The following SLC4A5 variants were observed in gnomAD, a reference collection of about 807,000 sequenced individuals.
The protein encoded by SLC4A5 is electrogenic sodium bicarbonate cotransporter 4.
SLC4A5 carries 96 observed loss-of-function variants against 120.4 expected under a neutral mutation model. The observed-to-expected ratio is 0.80, with a 90% CI of 0.68 to 0.94. SLC4A5 has a LOEUF of 0.94. Among genes scored for constraint, SLC4A5 ranks in the 40% least tolerant of loss-of-function variants. The pLI is 0.00. For missense variants in SLC4A5, 1,259 were observed against 1,459.5 expected, an observed-to-expected ratio of 0.86 and a Z score of 2.24; for synonymous variants, 550 against 571.1, an observed-to-expected ratio of 0.96 and a Z score of 0.53.
chr2:74,272,280 C>T lies in SLC4A5; in HGVS notation c.402-7016G>A, dbSNP rs74329296. 2.8e-3 allele frequency among the ~76,000 whole-genome samples: 430 copies of T among 152,162 alleles called. 4 individuals carry two copies. The highest frequency in any genetic ancestry group is 9.7e-3 in the African/African-American group (403 of 41,512). ...GCTGGGTGATGGGCAGGTGGGGGTT[C>T]ATTCTGCTATATACTACTTTTGTAT... On this transcript the variant is annotated intron_variant, in intron 8 of 30. Transcript: ENST00000394019.
chr2:74,273,479 T>C (rs1440743331), intron 8 of SLC4A5, among the ~76,000 whole-genome samples: 1 of 152,172 alleles, frequency 6.6e-6, no homozygotes, highest in Non-Finnish European at 1.5e-5. Context: ...GTGGTCACTC[T>C]ATCTATGTGG....
intron 25 of SLC4A5, among the ~76,000 whole-genome samples, chr2:74,228,313 G>A (rs1445461935): frequency 1.3e-5 from 2 of 152,188 alleles, no homozygotes; most frequent in Non-Finnish European, 1.5e-5. Context: ...TCAGCAGCGA[G>A]TACCCGGGAC....
intron 5 of SLC4A5, among the ~76,000 whole-genome samples, chr2:74,316,321 T>TAAAA (rs60481743): frequency 2.0e-5 from 1 of 51,186 alleles, no homozygotes; most frequent in Non-Finnish European, 4.3e-5. Flanking sequence ...AAAAGAGTTG[T>TAAAA]AAAAAAAAAA....
In SLC4A5 at chr2:74,301,611, C is replaced by T. The variant is rs1288061459; in HGVS notation, c.271+2878G>A. Among the ~76,000 whole-genome samples the T allele has an allele frequency of 3.9e-5, 6 of 152,232 alleles. No homozygotes were observed. The East Asian group carries it at 1.2e-3, about 29-fold the overall frequency. ...GAAGTGGGAGATTCAGACAATTATC[C>T]AGATGAGGCAGGTAAAATGATTCTG... On this transcript the variant is annotated intron_variant, in intron 7 of 30. Transcript: ENST00000394019.
chr2:74,269,382 G>T lies in SLC4A5; in HGVS notation c.402-4118C>A, dbSNP rs565934253. Reference sequence around the variant, plus strand: ...CACCAGGCCCGGCTGTTTGTTTTTTGTTTGTTTGTTTGTTTGTTTGTTTGT... The same window carrying T: ...CACCAGGCCCGGCTGTTTGTTTTTTTTTTGTTTGTTTGTTTGTTTGTTTGT... On this transcript the variant is annotated intron_variant, in intron 8 of 30. Coordinates refer to ENST00000394019, the Ensembl canonical transcript of SLC4A5. Among the ~76,000 whole-genome samples, 470 of 144,772 alleles carry T rather than the reference G, an allele frequency of 3.2e-3. 1 individual carries two copies. The highest frequency in any genetic ancestry group is 0.012 in the African/African-American group (429 of 35,950). 95.0% of individuals were successfully genotyped at this position (144,772 alleles called of 152,430 possible). A position where few individuals can be genotyped will look rare whatever the true frequency, so the allele number is the denominator to read the frequency against.
intron 8 of SLC4A5, among the ~76,000 whole-genome samples, chr2:74,267,350 G>A (rs527806238): frequency 2.3e-4 from 35 of 152,132 alleles, no homozygotes; most frequent in Non-Finnish European, 4.7e-4. Flanking sequence ...ATGTATACAA[G>A]GACGCTCGAT....
chr2:74,254,981 G>A (rs894246016), intron 13 of SLC4A5, among the ~76,000 whole-genome samples: 10 of 151,968 alleles, frequency 6.6e-5, no homozygotes, highest in East Asian at 3.9e-4. Context: ...CACCAAGCCC[G>A]GCTAATTTTT....
At chr2:74,230,036 A>G (rs1695006361) in intron 25 of SLC4A5, among the ~76,000 whole-genome samples, 1 of 151,524 alleles carries the variant, frequency 6.6e-6, no homozygotes, top group South Asian at 2.1e-4. Flanking sequence ...TATTTTTTGT[A>G]GAGATGGGGG....
chr2:74,227,699 T>C (rs774902557), intron 26 of SLC4A5, 111 bp downstream of exon 26: 1 of 1,206,290 alleles, frequency 8.3e-7, no homozygotes, highest in Non-Finnish European at 1.2e-6. Flanking sequence ...TTTCATTGAA[T>C]TAGGACAATT....
At chr2:74,315,077 G>A in intron 5 of SLC4A5, 52 bp from the exon 6 acceptor site, 5 of 1,443,788 alleles carry the variant, frequency 3.5e-6, no homozygotes, top group East Asian at 4.6e-5. Flanking sequence ...AAAAGGGTAG[G>A]ATTTCAAGGA....
chr2:74,275,691 C>T (rs1289229980), intron 8 of SLC4A5, among the ~76,000 whole-genome samples: 2 of 152,278 alleles, frequency 1.3e-5, no homozygotes, highest in East Asian at 3.8e-4. Context: ...TCACATAACA[C>T]TTCCTAATCA....
At chr2:74,232,528 G>A (rs1192141669) in exon 24 of SLC4A5, 3 of 1,614,048 alleles carry the variant, frequency 1.9e-6, no homozygotes, top group South Asian at 1.1e-5. Flanking sequence ...CCATCTTGAG[G>A]CTGTCGATGT....
chr2:74,260,021 T>C (rs1038347423), intron 11 of SLC4A5, among the ~76,000 whole-genome samples: 6 of 152,162 alleles, frequency 3.9e-5, no homozygotes, highest in African/African-American at 1.4e-4. Context: ...TCACTTAGCT[T>C]GGAATTTGCT....
chr2:74,305,221 A>G (rs1187548249), intron 6 of SLC4A5, among the ~76,000 whole-genome samples: 1 of 152,210 alleles, frequency 6.6e-6, no homozygotes, highest in Admixed American at 6.5e-5. Context: ...AATCCCACTA[A>G]TAAGCCTGAT....
At chr2:74,315,421 C>G in intron 5 of SLC4A5, among the ~76,000 whole-genome samples, 1 of 122,034 alleles carries the variant, frequency 8.2e-6, no homozygotes, top group Non-Finnish European at 1.6e-5. Flanking sequence ...GCCGGGGGAA[C>G]AGAGCAAGAC....
chr2:74,246,184 G>C (rs1279029245), intron 19 of SLC4A5, among the ~76,000 whole-genome samples: 2 of 152,254 alleles, frequency 1.3e-5, no homozygotes, highest in African/African-American at 2.4e-5. Context: ...TGGCCAGAAA[G>C]TAACTCCACA....
intron 6 of SLC4A5, among the ~76,000 whole-genome samples, chr2:74,313,314 T>C (rs1336485981): frequency 2.0e-5 from 3 of 152,254 alleles, no homozygotes; most frequent in Non-Finnish European, 4.4e-5. Context: ...AACTAATCTA[T>C]GTCCACTTTC....
intron 11 of SLC4A5, among the ~76,000 whole-genome samples, chr2:74,259,906 C>T (rs1315292615): frequency 6.6e-6 from 1 of 152,190 alleles, no homozygotes; most frequent in African/African-American, 2.4e-5. Flanking sequence ...ACTCCTCCAC[C>T]CCAACGTCTT....
At chr2:74,307,468 G>A (rs192681206) in intron 6 of SLC4A5, 420 of 625,496 alleles carry the variant, frequency 6.7e-4, no homozygotes, top group African/African-American at 1.9e-3. Flanking sequence ...TGGAGCCCAC[G>A]GATGTCGCTC....
Sources: allele counts gnomAD v4.1 joint callset (sites outside exome capture counted in the v4.1 genomes callset), GRCh38; gene constraint gnomAD v4.1.1; transcripts MANE v1.5; gene names NCBI Gene and HGNC (gene_info 2026-07-23, HGNC 2026-07-21).